PPP3CA: variants seen among roughly 807,000 people sequenced by gnomAD.
PPP3CA encodes protein phosphatase 3 catalytic subunit alpha.
A neutral mutation model predicts 66.5 loss-of-function variants in PPP3CA; 14 were observed. The ratio of observed to expected loss-of-function variants is 0.21; its 90% CI spans 0.14 to 0.33. PPP3CA has a LOEUF of 0.33. Among genes scored for constraint, PPP3CA ranks in the 10% least tolerant of loss-of-function variants. The pLI is 1.00. For missense variants in PPP3CA, 317 were observed against 639.5 expected, an observed-to-expected ratio of 0.50 and a Z score of 5.44; for synonymous variants, 232 against 226.2, an observed-to-expected ratio of 1.03 and a Z score of -0.23.
chr4:101,326,789 C>T (rs1729222345), intron 1 of PPP3CA, among the ~76,000 whole-genome samples: 1 of 152,212 alleles, frequency 6.6e-6, no homozygotes, highest in South Asian at 2.1e-4. Flanking sequence ...TTTCCTCCCA[C>T]TCACTCCCTT....
At chr4:101,260,403 C>T (rs1360082099) in intron 1 of PPP3CA, among the ~76,000 whole-genome samples, 1 of 152,124 alleles carries the variant, frequency 6.6e-6, no homozygotes, top group African/African-American at 2.4e-5. Context: ...AAGTCTAGCA[C>T]AAAATTTAAA....
At chr4:101,333,103 C>T (rs201602609) in intron 1 of PPP3CA, among the ~76,000 whole-genome samples, 25 of 88,280 alleles carry the variant, frequency 2.8e-4, no homozygotes, top group African/African-American at 3.9e-4. Flanking sequence ...CATCTTCTTT[C>T]TTTTTTTTTT....
At chr4:101,031,523 A>C (rs1438080858) in intron 12 of PPP3CA, among the ~76,000 whole-genome samples, 1 of 152,132 alleles carries the variant, frequency 6.6e-6, no homozygotes, top group African/African-American at 2.4e-5. Context: ...ATTTTAATTA[A>C]ATTTAATATA....
chr4:101,346,659 GGAGGAAAGGC>G (rs1730009751), intron 1 of PPP3CA, 70 bp downstream of exon 1: 4 of 1,205,878 alleles, frequency 3.3e-6, no homozygotes, highest in Non-Finnish European at 4.8e-6. Context: ...GCGGGGGAGG[GGAGGAAAGGC>G]GAGGCGAGGC....
chr4:101,253,312 G>C (rs1381667900), intron 1 of PPP3CA, among the ~76,000 whole-genome samples: 1 of 152,088 alleles, frequency 6.6e-6, no homozygotes, highest in African/African-American at 2.4e-5. Context: ...AGAAGCAGAT[G>C]GTGAATGTTA....
At chr4:101,094,774 C>T (rs868671342) in intron 5 of PPP3CA, among the ~76,000 whole-genome samples, 2 of 152,102 alleles carry the variant, frequency 1.3e-5, no homozygotes, top group African/African-American at 2.4e-5. Flanking sequence ...TAACATATCA[C>T]GATCAATTTT....
chr4:101,025,806 C>T lies in PPP3CA; in HGVS notation c.*59G>A. The T allele has an allele frequency of 1.5e-6, 2 of 1,311,490 alleles. No individual in the cohort carries two copies. The highest frequency in any genetic ancestry group is 2.5e-5 in the East Asian group (1 of 40,364). 81.2% of individuals were successfully genotyped at this position (1,311,490 alleles called of 1,614,324 possible). ...ACTGCTGATATGCAGCAATCCCCAT[C>T]ATGCCCCGCAGCTCAAAAAAAAAAA... is the stretch of plus-strand genomic sequence containing the variant. On this transcript the variant is annotated 3_prime_UTR_variant, in exon 14 of 14. Coordinates refer to ENST00000394854, the MANE Select transcript of PPP3CA (RefSeq NM_000944.5).
intron 2 of PPP3CA, among the ~76,000 whole-genome samples, chr4:101,183,257 T>G (rs1308940342): frequency 6.6e-6 from 1 of 152,106 alleles, no homozygotes; most frequent in Non-Finnish European, 1.5e-5. Flanking sequence ...AATGGCATCT[T>G]CAGCTCCTGC....
intron 1 of PPP3CA, among the ~76,000 whole-genome samples, chr4:101,229,169 A>G (rs1402630287): frequency 6.6e-6 from 1 of 151,646 alleles, no homozygotes; most frequent in Non-Finnish European, 1.5e-5. Flanking sequence ...CAATCGAAAA[A>G]GAATTCAATA....
chr4:101,050,108 G>C (rs1383117733), intron 10 of PPP3CA, among the ~76,000 whole-genome samples: 2 of 152,080 alleles, frequency 1.3e-5, no homozygotes, highest in Admixed American at 1.3e-4. Context: ...TGGTCCCCAA[G>C]TCATGAGACT....
intron 2 of PPP3CA, among the ~76,000 whole-genome samples, chr4:101,146,677 G>A (rs374675551): frequency 3.3e-5 from 5 of 151,958 alleles, no homozygotes; most frequent in Non-Finnish European, 5.9e-5. Context: ...TCCTGACCTC[G>A]TGATCTGCCC....
At chr4:101,032,032 T>TAACA (rs1463304028) in intron 12 of PPP3CA, among the ~76,000 whole-genome samples, 18 of 152,186 alleles carry the variant, frequency 1.2e-4, no homozygotes, top group Admixed American at 1.1e-3. Flanking sequence ...ATATGTAGAT[T>TAACA]AACATGTGAA....
intron 2 of PPP3CA, among the ~76,000 whole-genome samples, chr4:101,175,251 G>GAAGA (rs1326663413): frequency 6.6e-6 from 1 of 152,152 alleles, no homozygotes; most frequent in Non-Finnish European, 1.5e-5. Flanking sequence ...AAATTAAAGG[G>GAAGA]AAGACTAAAG....
chr4:101,323,172 C>T (rs929758788), intron 1 of PPP3CA, among the ~76,000 whole-genome samples: 1 of 152,118 alleles, frequency 6.6e-6, no homozygotes, highest in African/African-American at 2.4e-5. Context: ...TGCTCCATTC[C>T]TCCCTTGCTT....
intron 1 of PPP3CA, among the ~76,000 whole-genome samples, chr4:101,319,577 T>A (rs577871259): frequency 6.6e-6 from 1 of 152,272 alleles, no homozygotes; most frequent in South Asian, 2.1e-4. Flanking sequence ...GCAGATTAGA[T>A]GATATGAAAT....
At chr4:101,139,554 T>A (rs1247163738) in intron 2 of PPP3CA, among the ~76,000 whole-genome samples, 2 of 152,036 alleles carry the variant, frequency 1.3e-5, no homozygotes, top group Non-Finnish European at 2.9e-5. Context: ...AATACTTTAT[T>A]CGACCCCTAA....
At chr4:101,289,356 T>A (rs1727946188) in intron 1 of PPP3CA, among the ~76,000 whole-genome samples, 1 of 152,248 alleles carries the variant, frequency 6.6e-6, no homozygotes, top group African/African-American at 2.4e-5. Flanking sequence ...AAGAATTCCA[T>A]AATATTCCAC....
chr4:101,314,330 C>T (rs758792328), intron 1 of PPP3CA, among the ~76,000 whole-genome samples: 10 of 151,604 alleles, frequency 6.6e-5, no homozygotes, highest in Non-Finnish European at 1.2e-4. Context: ...ATTTTCAGGC[C>T]GAGGCAGGCG....
chr4:101,051,845 T>C (rs1728025154), intron 10 of PPP3CA, among the ~76,000 whole-genome samples: 1 of 152,132 alleles, frequency 6.6e-6, no homozygotes, highest in Admixed American at 6.6e-5. Context: ...AAACTAATGC[T>C]ATAAAAATCA....
Sources: allele counts gnomAD v4.1 joint callset (sites outside exome capture counted in the v4.1 genomes callset), GRCh38; gene constraint gnomAD v4.1.1; transcripts MANE v1.5; gene names NCBI Gene and HGNC (gene_info 2026-07-23, HGNC 2026-07-21).